The following QTMAN variants were observed in gnomAD, a reference collection of about 807,000 sequenced individuals.
The protein encoded by QTMAN is queuosine-tRNA mannosyltransferase.
At chr2:144,044,970 G>C in the QTMAN span, among the ~76,000 whole-genome samples, 2 of 152,166 alleles carry the variant, frequency 1.3e-5, no homozygotes, top group Admixed American at 1.3e-4. Context: ...TTAGTCTGTG[G>C]AGATACAAGG....
chr2:144,133,463 A>T, the QTMAN span, among the ~76,000 whole-genome samples: 82 of 61,514 alleles, frequency 1.3e-3, no homozygotes, highest in African/African-American at 5.0e-3. Flanking sequence ...TATAATATAT[A>T]TTATATATTA....
the QTMAN span, among the ~76,000 whole-genome samples, chr2:144,104,214 A>G: frequency 6.6e-5 from 10 of 152,270 alleles, no homozygotes; most frequent in South Asian, 8.3e-4. Flanking sequence ...TGCATTTCCA[A>G]CTGAGGTACT....
the QTMAN span, among the ~76,000 whole-genome samples, chr2:144,178,071 C>T: frequency 6.6e-6 from 1 of 152,202 alleles, no homozygotes; most frequent in Admixed American, 6.6e-5. Flanking sequence ...TGTTCACCAC[C>T]GTTTATCCAG....
At chr2:144,199,087 G>A in the QTMAN span, among the ~76,000 whole-genome samples, 1 of 147,234 alleles carries the variant, frequency 6.8e-6, no homozygotes, top group African/African-American at 2.5e-5. Flanking sequence ...CACTCTTGTT[G>A]CGCAGGCTAG....
chr2:144,090,827 C>G, the QTMAN span, among the ~76,000 whole-genome samples: 1 of 151,562 alleles, frequency 6.6e-6, no homozygotes, highest in Non-Finnish European at 1.5e-5. Flanking sequence ...GCTTTTTTTT[C>G]CCCTAGGAAA....
the QTMAN span, among the ~76,000 whole-genome samples, chr2:144,307,182 AAC>A: frequency 5.6e-5 from 8 of 142,676 alleles, no homozygotes; most frequent in African/African-American, 1.2e-4. Flanking sequence ...AAAAAAAAAA[AAC>A]AATTAAAAAA....
chr2:143,972,442 G>T, the QTMAN span, among the ~76,000 whole-genome samples: 27 of 148,598 alleles, frequency 1.8e-4, no homozygotes, highest in Non-Finnish European at 3.0e-4. Context: ...ATATGGCTGG[G>T]TTTTTTTTTT....
the QTMAN span, chr2:143,957,295 G>T: frequency 6.2e-7 from 1 of 1,609,392 alleles, no homozygotes; most frequent in Non-Finnish European, 8.5e-7. Context: ...TAGCCCCAGT[G>T]TAAGACAGAA....
the QTMAN span, among the ~76,000 whole-genome samples, chr2:144,033,366 A>T: frequency 2.0e-5 from 3 of 152,192 alleles, no homozygotes; most frequent in Admixed American, 6.5e-5. Flanking sequence ...ACTCAGGAAA[A>T]TAGTTTACTT....
At chr2:143,976,322 T>C in the QTMAN span, among the ~76,000 whole-genome samples, 2 of 152,314 alleles carry the variant, frequency 1.3e-5, no homozygotes, top group Non-Finnish European at 2.9e-5. Context: ...GGATAATAGA[T>C]GGCAATAAGG....
the QTMAN span, among the ~76,000 whole-genome samples, chr2:144,076,299 C>T: frequency 2.6e-5 from 4 of 152,110 alleles, no homozygotes; most frequent in Non-Finnish European, 5.9e-5. Context: ...CAGGGCACTA[C>T]ACAAATCACT....
the QTMAN span, among the ~76,000 whole-genome samples, chr2:144,000,604 T>C: frequency 6.6e-6 from 1 of 152,010 alleles, no homozygotes; most frequent in African/African-American, 2.4e-5. Flanking sequence ...ACAATAATTA[T>C]AAGGAATATT....
At chr2:144,242,590 C>T in the QTMAN span, among the ~76,000 whole-genome samples, 6 of 152,174 alleles carry the variant, frequency 3.9e-5, no homozygotes, top group Non-Finnish European at 8.8e-5. Flanking sequence ...CCACTATAGA[C>T]AGACCAATTG....
chr2:144,097,666 C>T, the QTMAN span, among the ~76,000 whole-genome samples: 21 of 152,250 alleles, frequency 1.4e-4, no homozygotes, highest in Admixed American at 1.4e-3. Context: ...ATGAGTGCAA[C>T]TTCCTTCTGG....
At chr2:144,134,193 G>GT in the QTMAN span, among the ~76,000 whole-genome samples, 70 of 151,526 alleles carry the variant, frequency 4.6e-4, 1 homozygote, top group Non-Finnish European at 5.8e-4. Context: ...GTAAAATAGT[G>GT]TTTTTTTTTA....
the QTMAN span, among the ~76,000 whole-genome samples, chr2:144,120,915 C>T: frequency 0.014 from 2,104 of 152,310 alleles, 48 homozygotes; most frequent in African/African-American, 0.048. Context: ...TTTTCTGATA[C>T]TACCTTGCCC....
chr2:143,947,044 C>T, the QTMAN span: 4 of 1,592,378 alleles, frequency 2.5e-6, no homozygotes, highest in Non-Finnish European at 3.4e-6. Flanking sequence ...GTGACTTAGC[C>T]CCATCTGTCA....
the QTMAN span, among the ~76,000 whole-genome samples, chr2:144,318,797 AG>A: frequency 2.0e-5 from 3 of 152,214 alleles, no homozygotes; most frequent in East Asian, 5.8e-4. Context: ...GTTTATATCT[AG>A]GCTGTAGAGT....
chr2:144,266,668 G>A, the QTMAN span, among the ~76,000 whole-genome samples: 1 of 152,200 alleles, frequency 6.6e-6, no homozygotes, highest in South Asian at 2.1e-4. Flanking sequence ...ACTTGCTTTG[G>A]GCACAGGTAT....
Sources: allele counts gnomAD v4.1 joint callset (sites outside exome capture counted in the v4.1 genomes callset), GRCh38; gene constraint gnomAD v4.1.1; transcripts MANE v1.5; gene names NCBI Gene and HGNC (gene_info 2026-07-23, HGNC 2026-07-21).